The following ALMS1 variants were observed in gnomAD, a reference collection of about 807,000 sequenced individuals.
ALMS1 encodes the protein centrosome-associated protein ALMS1.
A neutral mutation model predicts 352.2 loss-of-function variants in ALMS1; 271 were observed. The observed-to-expected ratio is 0.77, with a 90% CI of 0.70 to 0.85. ALMS1 has a LOEUF of 0.85. Ranked by LOEUF, ALMS1 falls within the 40% of genes least tolerant of loss-of-function variation. The pLI is 0.00. For missense variants in ALMS1, 5,445 were observed against 4,870.7 expected, an observed-to-expected ratio of 1.12 and a Z score of -3.51; for synonymous variants, 1,865 against 1,761.2, an observed-to-expected ratio of 1.06 and a Z score of -1.48.
At position 73,419,230 on chromosome 2, in the gene ALMS1, C is replaced by T. The variant is rs370228166; in HGVS notation, c.558C>T (p.Asp186=). 1.9e-5 allele frequency: 30 copies of T among 1,613,882 alleles called. No individual in the cohort carries two copies. In the East Asian group the frequency reaches 3.8e-4, roughly 20 times the overall value. ...GAACGGAAGATACTGAAGTGACAGA[C>T]TTCCCCTCTCTGGAGGAGGGCATAT... ...NVRTEDTEVT[D]FPSLEEGILT... Residue 186 remains aspartate, a synonymous_variant, in exon 3 of 23, where the codon GAC becomes GAT. Transcript: ENST00000613296.
At chr2:73,562,566 A>G (rs973329657) in intron 15 of ALMS1, among the ~76,000 whole-genome samples, 3 of 152,184 alleles carry the variant, frequency 2.0e-5, no homozygotes, top group Non-Finnish European at 2.9e-5. Context: ...TGTAAAATCA[A>G]AAAATACATG....
chr2:73,521,902 A>C lies in ALMS1; in HGVS notation c.9781+1886A>C, dbSNP rs906514674. Among the ~76,000 whole-genome samples the C allele has an allele frequency of 5.3e-5, 8 of 152,186 alleles. 1 individual carries two copies. Among genetic ancestry groups the C allele is most frequent in the African/African-American group, 1.9e-4 (8 of 41,460 alleles). On this transcript the variant is annotated intron_variant, in intron 11 of 22. Coordinates refer to ENST00000613296, the MANE Select transcript of ALMS1 (RefSeq NM_001378454.1). ...TGTTATTTTCAACACTGTGGGTCAAAAGTAAAATTTTATGAGGTGTTTTTT... is the reference window on the plus strand; with the variant it reads ...TGTTATTTTCAACACTGTGGGTCAACAGTAAAATTTTATGAGGTGTTTTTT...
At chr2:73,426,094 G>A (rs888262902) in intron 5 of ALMS1, among the ~76,000 whole-genome samples, 5 of 152,214 alleles carry the variant, frequency 3.3e-5, no homozygotes, top group Admixed American at 2.0e-4. Context: ...ATCTTCAGAT[G>A]TTATTTATCA....
At chr2:73,496,757 T>C (rs770978098) in intron 10 of ALMS1, among the ~76,000 whole-genome samples, 2 of 152,210 alleles carry the variant, frequency 1.3e-5, no homozygotes, top group African/African-American at 2.4e-5. Flanking sequence ...ATTGTCAATA[T>C]ATTTTAGCCA....
At chr2:73,579,191 CT>C (rs1675120323) in intron 16 of ALMS1, among the ~76,000 whole-genome samples, 2 of 151,068 alleles carry the variant, frequency 1.3e-5, no homozygotes, top group African/African-American at 4.9e-5. Context: ...TCCCAAGTAG[CT>C]GAGATTACAG....
At chr2:73,504,320 G>A (rs1673277293) in intron 10 of ALMS1, among the ~76,000 whole-genome samples, 1 of 152,136 alleles carries the variant, frequency 6.6e-6, no homozygotes, top group African/African-American at 2.4e-5. Flanking sequence ...CACATGTATA[G>A]CTTTATGTAA....
chr2:73,393,931 C>A (rs1174733421), intron 1 of ALMS1, among the ~76,000 whole-genome samples: 1 of 151,870 alleles, frequency 6.6e-6, no homozygotes, highest in Non-Finnish European at 1.5e-5. Context: ...AGTGGACCTC[C>A]TATCTCAGCC....
At chr2:73,465,962 G>T (rs973657824) in intron 9 of ALMS1, among the ~76,000 whole-genome samples, 3 of 151,870 alleles carry the variant, frequency 2.0e-5, no homozygotes, top group Non-Finnish European at 4.4e-5. Context: ...TTAGAATGGC[G>T]ATCATTAAAA....
At chr2:73,485,812 A>G (rs1442629872) in intron 9 of ALMS1, among the ~76,000 whole-genome samples, 1 of 152,102 alleles carries the variant, frequency 6.6e-6, no homozygotes, top group Non-Finnish European at 1.5e-5. Flanking sequence ...AAAGCGCAGT[A>G]TTCGGGTGGG....
chr2:73,534,843 A>G lies in ALMS1; in HGVS notation c.9801A>G (p.Pro3267=), dbSNP rs1673992639. The G allele has an allele frequency of 6.2e-7, 1 of 1,613,630 alleles. No individual in the cohort carries two copies. Among genetic ancestry groups the G allele is most frequent in the Admixed American group, 1.7e-5 (1 of 60,024 alleles). ...RGTDGQPLLL[P]YKPSGSTKMY... is the part of the protein sequence containing the mutation. ...CCTTAGGCCAGCCTTTATTATTGCC[A>G]TATAAGCCTTCTGGTAGTACCAAGA... is the stretch of plus-strand genomic sequence containing the variant. The change falls in exon 12 of 23, where the codon CCA becomes CCG. Residue 3267 remains proline, a synonymous_variant. Transcript: ENST00000613296.
intron 13 of ALMS1, among the ~76,000 whole-genome samples, chr2:73,550,838 T>G (rs1044106516): frequency 6.8e-6 from 1 of 146,416 alleles, no homozygotes; most frequent in African/African-American, 2.5e-5. Context: ...GCTGACATGA[T>G]TTTTTTTTTT....
chr2:73,547,573 C>G (rs1452102659), intron 12 of ALMS1, among the ~76,000 whole-genome samples: 1 of 152,010 alleles, frequency 6.6e-6, no homozygotes, highest in Non-Finnish European at 1.5e-5. Context: ...ACAATGGACT[C>G]CCATAAATTT....
In ALMS1 at chr2:73,452,830, G is replaced by A. The variant is rs555344566; in HGVS notation, c.6303G>A (p.Ser2101=). Residue 2101 remains serine, a synonymous_variant, in exon 8 of 23, where the codon TCG becomes TCA. Coordinates refer to ENST00000613296, the MANE Select transcript of ALMS1 (RefSeq NM_001378454.1). ...GTTCTTATTTTCACAGAGAGAAATC[G>A]AATATTTTCAGTCCACAGGAATTGC... The part of the protein sequence containing the change: ...LSSSYFHREK[S]NIFSPQELPG... 12 of 1,613,758 alleles carry A rather than the reference G, an allele frequency of 7.4e-6. No individual in the cohort carries two copies. The highest frequency in any genetic ancestry group is 1.6e-4 in the Middle Eastern group (1 of 6,062).
chr2:73,533,299 ATTGTG>A (rs1303635453), intron 11 of ALMS1, among the ~76,000 whole-genome samples: 3 of 152,200 alleles, frequency 2.0e-5, no homozygotes, highest in Non-Finnish European at 4.4e-5. Flanking sequence ...TTTCCTGGGA[ATTGTG>A]TTTCTTATTG....
intron 16 of ALMS1, among the ~76,000 whole-genome samples, chr2:73,575,644 T>G (rs780738319): frequency 6.6e-5 from 10 of 152,216 alleles, no homozygotes; most frequent in Admixed American, 1.3e-4. Context: ...TCTTTTCAAG[T>G]CATTTGGCCA....
chr2:73,424,801 A>C lies in ALMS1; in HGVS notation c.1136A>C (p.Asn379Thr). Residue 379 changes from asparagine (N) to threonine (T), a missense_variant, in exon 5 of 23, where the codon AAC becomes ACC. Physicochemically the swap from Asn to Thr is moderately conservative, Grantham distance 65 (BLOSUM62 0). Coordinates refer to ENST00000613296, the MANE Select transcript of ALMS1 (RefSeq NM_001378454.1). ...VATSFDITDENIATKRSDHFD... is the reference protein window; with the variant it reads ...VATSFDITDETIATKRSDHFD... ...ACTTCATTTGACATAACTGATGAAA[A>C]CATAGCTACTAAAAGAAGTGACCAT... 6.2e-7 allele frequency: 1 copy of C among 1,611,824 alleles called. No individual in the cohort carries two copies.
chr2:73,426,348 C>G (rs1671378107), intron 5 of ALMS1, 105 bp from the exon 6 acceptor site: 2 of 1,079,272 alleles, frequency 1.9e-6, no homozygotes, highest in Middle Eastern at 2.0e-4. Context: ...GCCCAAGAGA[C>G]ATTGCTGAAA....
chr2:73,558,835 T>C, intron 14 of ALMS1, 137 bp from the exon 15 acceptor site: 2 of 946,044 alleles, frequency 2.1e-6, no homozygotes, highest in South Asian at 3.2e-5. Flanking sequence ...TCAATTATTT[T>C]CTAAACGCAT....
intron 16 of ALMS1, among the ~76,000 whole-genome samples, chr2:73,581,420 C>T (rs1675175373): frequency 1.3e-5 from 2 of 152,190 alleles, no homozygotes. Flanking sequence ...GGAGCAGGTA[C>T]CTACATCAGG....
Sources: allele counts gnomAD v4.1 joint callset (sites outside exome capture counted in the v4.1 genomes callset), GRCh38; gene constraint gnomAD v4.1.1; transcripts MANE v1.5; gene names NCBI Gene and HGNC (gene_info 2026-07-23, HGNC 2026-07-21).